The following HOMER2 variants were observed in gnomAD, a reference collection of about 807,000 sequenced individuals.
HOMER2 encodes homer scaffold protein 2, also known as homer protein homolog 2.
In HOMER2, 27 loss-of-function variants were observed where a neutral mutation model predicts 47.0. The ratio of observed to expected loss-of-function variants is 0.57; its 90% CI spans 0.42 to 0.79. HOMER2 has a LOEUF of 0.79. Among genes scored for constraint, HOMER2 ranks in the 30% least tolerant of loss-of-function variants. The pLI is 0.00. For missense variants in HOMER2, 443 were observed against 435.0 expected, an observed-to-expected ratio of 1.02 and a Z score of -0.16; for synonymous variants, 161 against 163.8, an observed-to-expected ratio of 0.98 and a Z score of 0.13.
chr15:82,912,786 G>A (rs1015483905), intron 1 of HOMER2, among the ~76,000 whole-genome samples: 8 of 152,126 alleles, frequency 5.3e-5, no homozygotes, highest in Admixed American at 4.6e-4. Context: ...CCATCCTACT[G>A]GGTGTGAAGT....
chr15:82,951,637 T>C (rs1199271251), intron 1 of HOMER2, among the ~76,000 whole-genome samples: 1 of 152,248 alleles, frequency 6.6e-6, no homozygotes, highest in South Asian at 2.1e-4. Flanking sequence ...TCTGGTTCAC[T>C]TACCCGCCTC....
upstream of HOMER2, among the ~76,000 whole-genome samples, chr15:82,956,839 G>A (rs978294657): frequency 6.6e-6 from 1 of 152,200 alleles, no homozygotes; most frequent in African/African-American, 2.4e-5. Flanking sequence ...AAGGAATATA[G>A]GGTAAAGGCA....
downstream of HOMER2, among the ~76,000 whole-genome samples, chr15:82,836,358 T>C (rs1057290322): frequency 3.3e-5 from 5 of 152,180 alleles, no homozygotes; most frequent in African/African-American, 1.2e-4. Context: ...GGGCAGCCCC[T>C]CAGCCTGGCA....
At chr15:82,905,874 A>G (rs529158871) in intron 1 of HOMER2, among the ~76,000 whole-genome samples, 70 of 152,364 alleles carry the variant, frequency 4.6e-4, no homozygotes, top group African/African-American at 1.5e-3. Context: ...ATAAAAAAAG[A>G]GCATCAGAGA....
intron 1 of HOMER2, among the ~76,000 whole-genome samples, chr15:82,907,092 C>T (rs1212823071): frequency 1.3e-5 from 2 of 152,204 alleles, no homozygotes; most frequent in African/African-American, 2.4e-5. Context: ...CGGTGGCTCA[C>T]GCCTATAATC....
At chr15:82,851,514 T>G (rs1404897069) in intron 7 of HOMER2, among the ~76,000 whole-genome samples, 1 of 152,210 alleles carries the variant, frequency 6.6e-6, no homozygotes, top group Non-Finnish European at 1.5e-5. Context: ...TTTGGTAACA[T>G]GAGCACGGCC....
At chr15:82,967,892 A>G (rs1468271282) in intron 1 of HOMER2, among the ~76,000 whole-genome samples, 1 of 151,794 alleles carries the variant, frequency 6.6e-6, no homozygotes, top group Non-Finnish European at 1.5e-5. Flanking sequence ...AAAAAAAACC[A>G]AACAAACAAA....
At chr15:82,910,852 T>C (rs1333843117) in intron 1 of HOMER2, among the ~76,000 whole-genome samples, 1 of 152,168 alleles carries the variant, frequency 6.6e-6, no homozygotes, top group African/African-American at 2.4e-5. Flanking sequence ...TAGTTTCAAG[T>C]CTGGTTTCTG....
intron 1 of HOMER2, among the ~76,000 whole-genome samples, chr15:82,939,575 C>A (rs2054217394): frequency 1.3e-5 from 2 of 152,138 alleles, no homozygotes; most frequent in Non-Finnish European, 2.9e-5. Context: ...GGGGCTGAGG[C>A]AGGAAGATCG....
At position 82,967,541 on chromosome 15, in the gene HOMER2, C is replaced by T. The variant is rs146610747; in HGVS notation, n.83-8233G>A. ...GGTAGGTATGTGATGGTTTATTATG[C>T]TGTTCTACTTCTGCATATGTTTGGA... On this transcript the variant is annotated intron_variant and non_coding_transcript_variant, in intron 1 of 1. Coordinates refer to the HOMER2 transcript ENST00000500334. Among the ~76,000 whole-genome samples, 1,375 of 152,188 alleles carry T rather than the reference C, an allele frequency of 9.0e-3. 22 individuals carry two copies. Among genetic ancestry groups the T allele is most frequent in the African/African-American group, 0.032 (1,312 of 41,522 alleles).
At chr15:82,912,696 G>C (rs541809713) in intron 1 of HOMER2, among the ~76,000 whole-genome samples, 16 of 152,266 alleles carry the variant, frequency 1.1e-4, no homozygotes, top group African/African-American at 3.9e-4. Flanking sequence ...CTCCATTTAT[G>C]TTCCCACCAG....
intron 2 of HOMER2, among the ~76,000 whole-genome samples, chr15:82,890,595 C>A: frequency 6.6e-6 from 1 of 152,180 alleles, no homozygotes; most frequent in Non-Finnish European, 1.5e-5. Flanking sequence ...TTGAACCCCA[C>A]CACATTGTCA....
At chr15:82,947,553 A>C (rs2054408475) in intron 1 of HOMER2, among the ~76,000 whole-genome samples, 1 of 152,218 alleles carries the variant, frequency 6.6e-6, no homozygotes, top group Non-Finnish European at 1.5e-5. Context: ...GAGAGTAAAA[A>C]GGTAATTTAC....
intron 1 of HOMER2, among the ~76,000 whole-genome samples, chr15:82,934,132 C>G (rs992151491): frequency 5.9e-5 from 9 of 152,176 alleles, no homozygotes; most frequent in African/African-American, 1.4e-4. Flanking sequence ...CACCGCCCCC[C>G]ACATATGCAG....
At chr15:82,890,498 C>T (rs2052670388) in intron 2 of HOMER2, among the ~76,000 whole-genome samples, 1 of 152,192 alleles carries the variant, frequency 6.6e-6, no homozygotes, top group African/African-American at 2.4e-5. Context: ...CTCTCCCACA[C>T]TGAGCCTGGA....
intron 1 of HOMER2, among the ~76,000 whole-genome samples, chr15:82,977,009 C>T (rs1468096849): frequency 6.6e-6 from 1 of 151,834 alleles, no homozygotes; most frequent in African/African-American, 2.4e-5. Flanking sequence ...CTCCTCACTC[C>T]TCCAACACTA....
intron 1 of HOMER2, among the ~76,000 whole-genome samples, chr15:82,929,976 G>T: frequency 6.6e-6 from 1 of 152,026 alleles, no homozygotes; most frequent in East Asian, 1.9e-4. Context: ...TGATCCGTCC[G>T]CCTCGGCCTC....
chr15:82,895,574 C>T (rs1212887321), intron 1 of HOMER2, among the ~76,000 whole-genome samples: 1 of 152,208 alleles, frequency 6.6e-6, no homozygotes, highest in African/African-American at 2.4e-5. Context: ...AAGGAAGGAG[C>T]AATTTAAAGG....
intron 3 of HOMER2, among the ~76,000 whole-genome samples, chr15:82,868,543 T>TATATATATATATATATATATATA (rs1567023464): frequency 4.6e-4 from 17 of 36,792 alleles, no homozygotes; most frequent in Non-Finnish European, 5.8e-4. Flanking sequence ...ATATATATAT[T>TATATATATATATATATATATATA]TTTTTTTTTT....
Sources: gnomAD v4.1 joint callset for allele counts (sites outside exome capture counted in the v4.1 genomes callset) on GRCh38, gnomAD v4.1.1 for gene constraint, MANE v1.5 for transcripts, NCBI Gene and HGNC (gene_info 2026-07-23, HGNC 2026-07-21) for gene names.